The following EMC1 variants were observed in gnomAD, a reference collection of about 807,000 sequenced individuals.
EMC1 encodes KIAA0090.
Under a neutral mutation model 128.8 loss-of-function variants are expected in EMC1, and 103 were observed. The ratio of observed to expected loss-of-function variants is 0.80; its 90% CI spans 0.68 to 0.94. The LOEUF is 0.94. EMC1 is among the 40% of genes least tolerant of loss of function. The probability of loss-of-function intolerance (pLI) is 0.00; values close to 1 mark genes in which losing one functional copy is unlikely to be tolerated. For synonymous variants in EMC1, 442 were observed against 490.4 expected, an observed-to-expected ratio of 0.90 and a Z score of 1.30; for missense variants, 1,083 against 1,250.6, an observed-to-expected ratio of 0.87 and a Z score of 2.02.
At chr1:19,242,565 G>T in intron 4 of EMC1, 92 bp from the exon 5 acceptor site, 2 of 1,436,572 alleles carry the variant, frequency 1.4e-6, no homozygotes, top group Admixed American at 2.1e-5. Flanking sequence ...TTGCTTAGTG[G>T]GTAAGAAAAC....
chr1:19,221,664 T>C (rs2093432746), intron 20 of EMC1: 1 of 144,352 alleles, frequency 6.9e-6, no homozygotes, highest in African/African-American at 2.6e-5. Context: ...GCAACAGCAA[T>C]GCCAAGTGCC....
chr1:19,233,483 T>A (rs960471743), intron 13 of EMC1, among the ~76,000 whole-genome samples: 2 of 152,156 alleles, frequency 1.3e-5, no homozygotes, highest in East Asian at 3.9e-4. Flanking sequence ...GGTTTCTGGG[T>A]GCCATGACAA....
chr1:19,246,237 A>G lies in EMC1; in HGVS notation c.96-1207T>C, dbSNP rs138289175. On this transcript the variant is annotated intron_variant, in intron 1 of 22. Coordinates refer to ENST00000477853, the MANE Select transcript of EMC1 (RefSeq NM_015047.3). ...AGAACCCATCTCTACTAAAAATGCA[A>G]AAATTAGCTGGGCGTGGTGGCACGT... is the stretch of plus-strand genomic sequence containing the variant. Among the ~76,000 whole-genome samples the G allele has an allele frequency of 9.9e-5, 15 of 152,032 alleles. No homozygotes were observed. The East Asian group carries it at 3.0e-3, about 30-fold the overall frequency.
At position 19,217,954 on chromosome 1, in the gene EMC1, C is replaced by T. The variant is rs1361655043; in HGVS notation, c.*1349G>A. On this transcript the variant is annotated 3_prime_UTR_variant, in exon 23 of 23. Coordinates refer to ENST00000477853, the MANE Select transcript of EMC1 (RefSeq NM_015047.3). Reference sequence around the variant, plus strand: ...ACAAATTTTTAGATAACCTAACCAACCCATATATGATTAAACTGACCTTTC... The same window carrying T: ...ACAAATTTTTAGATAACCTAACCAATCCATATATGATTAAACTGACCTTTC... The T allele has an allele frequency of 6.6e-6, 1 of 152,160 alleles. No individual in the cohort carries two copies. Among genetic ancestry groups the T allele is most frequent in the African/African-American group, 2.4e-5 (1 of 41,420 alleles). The allele number at this position is 152,160 out of a possible 1,614,324, so 9.4% of individuals were successfully genotyped here. A position where few individuals can be genotyped will look rare whatever the true frequency, so the allele number is the denominator to read the frequency against.
At chr1:19,249,498 T>G (rs944032611) in intron 1 of EMC1, among the ~76,000 whole-genome samples, 6 of 152,222 alleles carry the variant, frequency 3.9e-5, no homozygotes, top group African/African-American at 1.4e-4. Flanking sequence ...CCATATAGCC[T>G]AGGTGTGTAG....
At chr1:19,246,922 G>A (rs1365715428) in intron 1 of EMC1, among the ~76,000 whole-genome samples, 3 of 152,218 alleles carry the variant, frequency 2.0e-5, no homozygotes, top group African/African-American at 7.2e-5. Flanking sequence ...CTTTAAAAAT[G>A]TAATTATGTT....
rs201062447 is a variant in EMC1, at chr1:19,243,730, G to T, written c.287-23C>A. The T allele has an allele frequency of 5.6e-6, 9 of 1,610,144 alleles. No individual in the cohort carries two copies. The East Asian group carries it at 2.0e-4, about 36-fold the overall frequency. On this transcript the variant is annotated intron_variant, in intron 3 of 22. Transcript: ENST00000477853. ...CATCTGGAAAAGAAAAGATCGTGGTGAAGTCATTTCCCACTTGCTCTGTCG... is the reference window on the plus strand; with the variant it reads ...CATCTGGAAAAGAAAAGATCGTGGTTAAGTCATTTCCCACTTGCTCTGTCG...
Position 19,251,409 on chromosome 1 carries a change from A to G in EMC1, c.95+6T>C. ...TATCTCTCGAATATGTTCCACACGT[A>G]CGCACCAATCAAACTTGCCCACTTG... is the stretch of plus-strand genomic sequence containing the variant. On this transcript the variant is annotated splice_donor_region_variant and intron_variant, in intron 1 of 22. Coordinates refer to ENST00000477853, the MANE Select transcript of EMC1 (RefSeq NM_015047.3). 6.2e-7 allele frequency: 1 copy of G among 1,612,844 alleles called. No individual in the cohort carries two copies. Among genetic ancestry groups the G allele is most frequent in the Non-Finnish European group, 8.5e-7 (1 of 1,178,838 alleles).
chr1:19,235,535 A>C (rs1001183626), intron 12 of EMC1, among the ~76,000 whole-genome samples: 1 of 152,150 alleles, frequency 6.6e-6, no homozygotes, highest in African/African-American at 2.4e-5. Flanking sequence ...ACCCCTCTCT[A>C]CTAAAAATAC....
At position 19,237,203 on chromosome 1, in the gene EMC1, T is replaced by C; in HGVS notation, c.1248A>G (p.Ser416=). ...YIQVFLKKDD[S]VGYRALVQTE... is the part of the protein sequence containing the mutation. Reference sequence around the variant, plus strand: ...TCTGCACCAAAGCCCGGTAGCCCACTGAGTCATCCTTCTTCAAGAACACCT... The same window carrying C: ...TCTGCACCAAAGCCCGGTAGCCCACCGAGTCATCCTTCTTCAAGAACACCT... Residue 416 remains serine, a synonymous_variant, in exon 12 of 23, where the codon TCA becomes TCG. Transcript: ENST00000477853. The C allele has an allele frequency of 3.1e-6, 5 of 1,614,064 alleles. No homozygotes were observed. Among genetic ancestry groups the C allele is most frequent in the Non-Finnish European group, 4.2e-6 (5 of 1,179,966 alleles).
intron 1 of EMC1, among the ~76,000 whole-genome samples, chr1:19,248,592 G>C (rs150391675): frequency 5.9e-5 from 9 of 152,146 alleles, no homozygotes; most frequent in African/African-American, 2.2e-4. Context: ...GCTAATTTTC[G>C]TATTTTTAGG....
chr1:19,243,541 T>C (rs2093617549), intron 4 of EMC1, 73 bp downstream of exon 4: 3 of 1,358,838 alleles, frequency 2.2e-6, no homozygotes, highest in South Asian at 2.3e-5. Context: ...AAGCCCAGAG[T>C]TGCTGTCTAT....
rs841370 is a variant in EMC1, at chr1:19,216,623, T to G, written c.*2680A>C. The G allele has an allele frequency of 6.6e-6, 1 of 152,186 alleles. No homozygotes were observed. The highest frequency in any genetic ancestry group is 1.5e-5 in the Non-Finnish European group (1 of 68,038). 9.4% of individuals were successfully genotyped at this position (152,186 alleles called of 1,614,324 possible). ...AGCATCATCTCATTTAAGAAAACAC[T>G]GTATACAAGAACAAACACTAGACTA... On this transcript the variant is annotated 3_prime_UTR_variant, in exon 23 of 23. Transcript: ENST00000477853.
At chr1:19,241,244 C>T in intron 5 of EMC1, 102 bp from the exon 6 acceptor site, 1 of 1,378,610 alleles carries the variant, frequency 7.3e-7, no homozygotes, top group Non-Finnish European at 1.0e-6. Context: ...ACTAGTAATT[C>T]CCAAATAGGT....
intron 1 of EMC1, among the ~76,000 whole-genome samples, chr1:19,248,762 C>G (rs898527835): frequency 4.6e-5 from 7 of 152,208 alleles, no homozygotes; most frequent in African/African-American, 1.4e-4. Context: ...CCACCCACCT[C>G]AGCCTCCCAA....
intron 5 of EMC1, 30 bp from the exon 6 acceptor site, chr1:19,241,172 C>T: frequency 6.2e-7 from 1 of 1,613,414 alleles, no homozygotes; most frequent in African/African-American, 1.3e-5. Flanking sequence ...ACCGCAGCGT[C>T]AGCTTTCAAC....
chr1:19,239,693 A>C, intron 8 of EMC1, 125 bp downstream of exon 8: 1 of 943,806 alleles, frequency 1.1e-6, no homozygotes, highest in East Asian at 2.5e-5. Context: ...CAAACCACTT[A>C]CGGGAAGGTG....
Position 19,220,819 on chromosome 1 carries a change from G to A in EMC1, c.2617C>T (p.Leu873Phe), listed in dbSNP as rs769048812. The A allele has an allele frequency of 3.1e-6, 5 of 1,613,648 alleles. No homozygotes were observed. The highest frequency in any genetic ancestry group is 2.2e-5 in the South Asian group (2 of 91,042). Residue 873 changes from leucine (L) to phenylalanine (F), a missense_variant, in exon 21 of 23, where the codon CTT (leucine) becomes TTT (phenylalanine). Transcript: ENST00000477853. ...IGLPSGAILS[L>F]PKALLDPRRP... ...CGGGGATCCAGCAAAGCCTTAGGAA[G>A]GGAAAGAATTGCTCCAGAAGGTAGT...
At chr1:19,230,492 C>G (rs1055425254) in intron 17 of EMC1, among the ~76,000 whole-genome samples, 1 of 152,150 alleles carries the variant, frequency 6.6e-6, no homozygotes, top group Non-Finnish European at 1.5e-5. Flanking sequence ...ATCGCTTGAA[C>G]CAAGGAGGCA....
Sources: allele counts gnomAD v4.1 joint callset (sites outside exome capture counted in the v4.1 genomes callset), GRCh38; gene constraint gnomAD v4.1.1; transcripts MANE v1.5; gene names NCBI Gene and HGNC (gene_info 2026-07-23, HGNC 2026-07-21).